Variants in DDHD2 observed in about 807,000 individuals in gnomAD.
The protein encoded by DDHD2 is DDHD domain containing 2, also known as triacylglycerol hydrolase DDHD2.
In DDHD2, 62 loss-of-function variants were observed where a neutral mutation model predicts 91.2. The observed-to-expected ratio is 0.68, with a 90% CI of 0.55 to 0.84. The LOEUF (loss-of-function observed/expected upper bound fraction) is 0.84, where lower values mean the gene tolerates loss of function less well. DDHD2 is among the 40% of genes least tolerant of loss of function. The pLI is 0.00. For missense variants in DDHD2, 740 were observed against 846.9 expected, an observed-to-expected ratio of 0.87 and a Z score of 1.57; for synonymous variants, 271 against 293.9, an observed-to-expected ratio of 0.92 and a Z score of 0.80.
At position 38,267,937 on chromosome 8, in the gene DDHD2, T is replaced by G. The variant is rs1269526923; in HGVS notation, n.88-3185T>G. 3 of 1,613,982 alleles carry G rather than the reference T, an allele frequency of 1.9e-6. No individual in the cohort carries two copies. The highest frequency in any genetic ancestry group is 2.5e-6 in the Non-Finnish European group (3 of 1,179,878). ...TTTATTGTGTTGGTAAAGACGCCAT[T>G]CAGAGCCAGGGCAAGGCTGGCAGCT... On this transcript the variant is annotated intron_variant and non_coding_transcript_variant, in intron 1 of 1. Coordinates refer to the DDHD2 transcript ENST00000526071.
chr8:38,265,150 C>T (rs971707820), downstream of DDHD2: 1 of 522,990 alleles, frequency 1.9e-6, no homozygotes, highest in Non-Finnish European at 3.4e-6. Flanking sequence ...CCTGTAATCC[C>T]AGATACTCAG....
chr8:38,252,658 A>T, intron 13 of DDHD2, 64 bp from the exon 14 acceptor site: 2 of 1,225,176 alleles, frequency 1.6e-6, no homozygotes, highest in Non-Finnish European at 2.3e-6. Flanking sequence ...AAAAAAAAAA[A>T]AGTTATATAG....
At chr8:38,239,959 A>G (rs767560168) in intron 5 of DDHD2, among the ~76,000 whole-genome samples, 127 of 151,838 alleles carry the variant, frequency 8.4e-4, no homozygotes, top group South Asian at 2.1e-3. Context: ...TCCTGACCTC[A>G]TGATCTACCT....
intron 7 of DDHD2, among the ~76,000 whole-genome samples, chr8:38,243,360 T>G (rs982866361): frequency 6.6e-6 from 1 of 152,230 alleles, no homozygotes; most frequent in Non-Finnish European, 1.5e-5. Flanking sequence ...GAGAGGGAGC[T>G]GATCTCTTTA....
chr8:38,272,915 C>T (rs3824289), downstream of DDHD2: 13 of 152,070 alleles, frequency 8.5e-5, no homozygotes, highest in Non-Finnish European at 1.5e-4. Context: ...AAAAATATAT[C>T]AAATAGGTCA....
At position 38,255,062 on chromosome 8, in the gene DDHD2, G is replaced by C. The variant is rs550928841; in HGVS notation, c.2054+1344G>C. ...AAAATACAATTAGCCAGGTGTGGTG[G>C]TGCATGCCTGTAGTCCCAGCTACTA... On this transcript the variant is annotated intron_variant, in intron 16 of 17. Coordinates refer to ENST00000397166, the MANE Select transcript of DDHD2 (RefSeq NM_015214.3). Among the ~76,000 whole-genome samples the C allele has an allele frequency of 2.0e-5, 3 of 152,132 alleles. No homozygotes were observed. In the South Asian group the frequency reaches 6.2e-4, roughly 32 times the overall value.
intron 3 of DDHD2, among the ~76,000 whole-genome samples, chr8:38,235,298 C>G (rs759298078): frequency 3.3e-5 from 5 of 152,046 alleles, no homozygotes; most frequent in Non-Finnish European, 7.4e-5. Context: ...GTCTCGAACT[C>G]CTGACCTCAA....
chr8:38,241,065 C>CA (rs1176378276), intron 6 of DDHD2, among the ~76,000 whole-genome samples: 692 of 50,096 alleles, frequency 0.014, 1 homozygote, highest in Non-Finnish European at 0.017. Flanking sequence ...AGTGAGACCT[C>CA]AAAAAAAAAA....
In DDHD2 at chr8:38,247,853, A is replaced by C. The variant is rs751558008; in HGVS notation, c.1248+18A>C. On this transcript the variant is annotated intron_variant, in intron 10 of 17. Coordinates refer to ENST00000397166, the MANE Select transcript of DDHD2 (RefSeq NM_015214.3). Reference sequence around the variant, plus strand: ...AAGCTCTGGTAAAAATAATCTTTTAAAACTTTATGCCAAGCCATTTTCAGT... The same window carrying C: ...AAGCTCTGGTAAAAATAATCTTTTACAACTTTATGCCAAGCCATTTTCAGT... 4 of 1,545,754 alleles carry C rather than the reference A, an allele frequency of 2.6e-6. No individual in the cohort carries two copies. Among genetic ancestry groups the C allele is most frequent in the East Asian group, 4.6e-5 (2 of 43,086 alleles).
chr8:38,263,615 C>T, downstream of DDHD2: 1 of 985,394 alleles, frequency 1.0e-6, no homozygotes, highest in South Asian at 4.7e-5. Context: ...ATAAGATGCA[C>T]ACAAAAGTGA....
chr8:38,249,948 G>A (rs755697618), intron 11 of DDHD2, 145 bp downstream of exon 11: 13 of 471,884 alleles, frequency 2.8e-5, no homozygotes, highest in African/African-American at 1.8e-4. Context: ...ACAGGGTCTC[G>A]CTCTGTCACT....
chr8:38,238,336 C>T, intron 5 of DDHD2, 127 bp downstream of exon 5: 2 of 1,467,146 alleles, frequency 1.4e-6, no homozygotes, highest in African/African-American at 1.4e-5. Context: ...TGGGTTTATT[C>T]CAAGTTGAGA....
chr8:38,244,767 T>C (rs1180540101), intron 7 of DDHD2, among the ~76,000 whole-genome samples: 1 of 151,286 alleles, frequency 6.6e-6, no homozygotes, highest in Non-Finnish European at 1.5e-5. Context: ...GGTTTCACTC[T>C]GTTGGACAGA....
At chr8:38,253,353 G>A (rs1244993732) in intron 15 of DDHD2, 12 of 733,070 alleles carry the variant, frequency 1.6e-5, no homozygotes, top group East Asian at 5.4e-5. Flanking sequence ...GATGTGTTGC[G>A]CAAAAGCAAA....
chr8:38,237,672 C>A, intron 4 of DDHD2, 45 bp downstream of exon 4: 1 of 1,087,790 alleles, frequency 9.2e-7, no homozygotes, highest in Non-Finnish European at 1.3e-6. Flanking sequence ...GTTAATTGCG[C>A]TATTAGGGAG....
intron 16 of DDHD2, among the ~76,000 whole-genome samples, chr8:38,259,471 C>T (rs1291912131): frequency 6.6e-6 from 1 of 151,862 alleles, no homozygotes; most frequent in Non-Finnish European, 1.5e-5. Flanking sequence ...CTGCAACCTC[C>T]GCTTCCTGGG....
intron 16 of DDHD2, among the ~76,000 whole-genome samples, chr8:38,257,185 G>C (rs1313913279): frequency 1.3e-5 from 2 of 150,070 alleles, no homozygotes; most frequent in Non-Finnish European, 3.0e-5. Flanking sequence ...CCTCCCACTT[G>C]GCTTCCCAAA....
chr8:38,267,195 C>A, downstream of DDHD2: 1 of 1,612,120 alleles, frequency 6.2e-7, no homozygotes. Context: ...TTTTCCCATC[C>A]CTACTAGCTT....
downstream of DDHD2, chr8:38,266,928 C>T: frequency 3.1e-6 from 2 of 635,228 alleles, no homozygotes; most frequent in Non-Finnish European, 4.5e-6. Context: ...TTATTGTGAG[C>T]TATAATTAGG....
Sources: gnomAD v4.1 joint callset for allele counts (sites outside exome capture counted in the v4.1 genomes callset) on GRCh38, gnomAD v4.1.1 for gene constraint, MANE v1.5 for transcripts, NCBI Gene and HGNC (gene_info 2026-07-23, HGNC 2026-07-21) for gene names.